Variants in MNAT1 observed in about 807,000 individuals in gnomAD.
MNAT1 encodes MNAT1 component of CDK activating kinase, also known as CDK-activating kinase assembly factor MAT1.
In MNAT1, 43 loss-of-function variants were observed where a neutral mutation model predicts 42.0. That is an observed-to-expected ratio of 1.02 (90% CI 0.80 to 1.32). The LOEUF is 1.32. Ranked by LOEUF, MNAT1 falls within the 40% of genes most tolerant of loss-of-function variation. The pLI, the probability that MNAT1 is intolerant of heterozygous loss-of-function variation, is 0.00. For missense variants in MNAT1, 306 were observed against 350.4 expected, an observed-to-expected ratio of 0.87 and a Z score of 1.01; for synonymous variants, 118 against 120.0, an observed-to-expected ratio of 0.98 and a Z score of 0.11.
At chr14:60,759,606 G>T (rs2030510715) in intron 1 of MNAT1, among the ~76,000 whole-genome samples, 1 of 152,074 alleles carries the variant, frequency 6.6e-6, no homozygotes, top group Admixed American at 6.5e-5. Flanking sequence ...GATGAATGTT[G>T]GAAATTGTTG....
chr14:60,875,981 C>G (rs4151290), intron 6 of MNAT1, among the ~76,000 whole-genome samples: 146 of 152,056 alleles, frequency 9.6e-4, no homozygotes, highest in African/African-American at 3.3e-3. Flanking sequence ...AGTATTTTTC[C>G]TTTCCCTCAC....
At chr14:60,845,395 TTTC>T (rs1215111761) in intron 6 of MNAT1, among the ~76,000 whole-genome samples, 1 of 152,056 alleles carries the variant, frequency 6.6e-6, no homozygotes, top group African/African-American at 2.4e-5. Flanking sequence ...TTTATAATAT[TTTC>T]TTAATTCTTT....
chr14:60,746,988 C>CTTT (rs1198228295), intron 1 of MNAT1, among the ~76,000 whole-genome samples: 2 of 92,020 alleles, frequency 2.2e-5, no homozygotes, highest in Non-Finnish European at 4.2e-5. Context: ...AAAATTATGT[C>CTTT]TTTTTTTTTT....
intron 1 of MNAT1, among the ~76,000 whole-genome samples, chr14:60,741,680 T>TTTTA (rs1555371492): frequency 9.2e-5 from 13 of 141,546 alleles, no homozygotes; most frequent in Admixed American, 1.4e-4. Flanking sequence ...TTTTTTTTTT[T>TTTTA]AATTTTTAGT....
chr14:60,965,059 C>G (rs2036657745), intron 7 of MNAT1, among the ~76,000 whole-genome samples: 1 of 152,066 alleles, frequency 6.6e-6, no homozygotes, highest in Non-Finnish European at 1.5e-5. Context: ...TTTTGTGCAG[C>G]CCTAGAGATC....
chr14:60,903,036 G>A (rs868023320), intron 7 of MNAT1, among the ~76,000 whole-genome samples: 2 of 151,392 alleles, frequency 1.3e-5, no homozygotes, highest in Admixed American at 6.6e-5. Flanking sequence ...AGAACTTTTA[G>A]ACCAAGTATA....
Position 60,798,294 on chromosome 14 carries a change from C to T in MNAT1, c.316+134C>T, listed in dbSNP as rs750990372. 1.1e-4 allele frequency: 56 copies of T among 503,914 alleles called. 1 individual carries two copies. Among genetic ancestry groups the T allele is most frequent in the Non-Finnish European group, 1.6e-4 (43 of 272,066 alleles). 31.2% of individuals were successfully genotyped at this position (503,914 alleles called of 1,614,324 possible). On this transcript the variant is annotated intron_variant, in intron 3 of 7. Transcript: ENST00000261245. ...TAGCTAACATTTACCTAATTACTTTCTTTTGCACTTGAGTCATGTTTGTCA... is the reference window on the plus strand; with the variant it reads ...TAGCTAACATTTACCTAATTACTTTTTTTTGCACTTGAGTCATGTTTGTCA...
intron 7 of MNAT1, among the ~76,000 whole-genome samples, chr14:60,938,922 T>C (rs2036071837): frequency 6.6e-6 from 1 of 152,198 alleles, no homozygotes; most frequent in Non-Finnish European, 1.5e-5. Context: ...CTGTTATTGG[T>C]CTATTCAGAG....
At chr14:60,922,178 A>G (rs2139554526) in intron 7 of MNAT1, among the ~76,000 whole-genome samples, 1 of 152,308 alleles carries the variant, frequency 6.6e-6, no homozygotes, top group Middle Eastern at 3.4e-3. Context: ...GTAACTTGTC[A>G]GAAGCAGGTT....
intron 6 of MNAT1, among the ~76,000 whole-genome samples, chr14:60,859,350 T>A (rs564723368): frequency 3.3e-5 from 5 of 152,332 alleles, no homozygotes; most frequent in African/African-American, 1.2e-4. Context: ...TGTCTACTTC[T>A]GAGATTCCAT....
At chr14:60,799,103 C>T (rs1237795232) in intron 3 of MNAT1, among the ~76,000 whole-genome samples, 1 of 152,120 alleles carries the variant, frequency 6.6e-6, no homozygotes, top group African/African-American at 2.4e-5. Flanking sequence ...TCAACTGTTA[C>T]CTGAAACTTT....
chr14:60,925,615 C>G (rs2035750424), intron 7 of MNAT1, among the ~76,000 whole-genome samples: 1 of 152,152 alleles, frequency 6.6e-6, no homozygotes, highest in Admixed American at 6.5e-5. Context: ...CTTACACTTC[C>G]TTCCATCAGG....
At position 60,796,288 on chromosome 14, in the gene MNAT1, G is replaced by A. The variant is rs1335792909; in HGVS notation, c.161G>A (p.Arg54Lys). ...TGCCCTGAGTGTGGTACTCCACTCA[G>A]AAAGAGCAACTTCAGGGTACAACTC... The part of the protein sequence containing the change: ...GNCPECGTPL[R>K]KSNFRVQLFE... The change falls in exon 2 of 8, where the codon AGA (arginine) becomes AAA (lysine). Residue 54 changes from arginine (R) to lysine (K), a missense_variant. Physicochemically the swap from Arg to Lys is conservative, Grantham distance 26. This residue lies in a region of MNAT1 where 72 missense variants were observed against 111.0 expected (regional missense o/e 0.65). Transcript: ENST00000261245. 3.7e-6 allele frequency: 6 copies of A among 1,613,800 alleles called. No individual in the cohort carries two copies. The highest frequency in any genetic ancestry group is 5.1e-6 in the Non-Finnish European group (6 of 1,179,802).
intron 6 of MNAT1, among the ~76,000 whole-genome samples, chr14:60,841,071 C>T (rs2033536502): frequency 1.3e-5 from 2 of 152,102 alleles, no homozygotes; most frequent in Admixed American, 6.6e-5. Flanking sequence ...TTGTAAATGT[C>T]AGTTAGGTCA....
At position 60,950,921 on chromosome 14, in the gene MNAT1, C is replaced by T. The variant is rs536928864; in HGVS notation, c.810-17308C>T. Among the ~76,000 whole-genome samples the T allele has an allele frequency of 4.6e-5, 7 of 152,052 alleles. No individual in the cohort carries two copies. In the South Asian group the frequency reaches 1.5e-3, roughly 32 times the overall value. Reference sequence around the variant, plus strand: ...TTAGGATGATTTTTTAAAATGATGGCAAATAAATATTTATGTTGCTATCAA... The same window carrying T: ...TTAGGATGATTTTTTAAAATGATGGTAAATAAATATTTATGTTGCTATCAA... On this transcript the variant is annotated intron_variant, in intron 7 of 7. Coordinates refer to ENST00000261245, the MANE Select transcript of MNAT1 (RefSeq NM_002431.4).
intron 1 of MNAT1, among the ~76,000 whole-genome samples, chr14:60,791,007 G>A (rs1215151769): frequency 1.3e-5 from 2 of 152,150 alleles, no homozygotes; most frequent in Non-Finnish European, 2.9e-5. Flanking sequence ...GGTCCTTGCT[G>A]TCTGTCAGGA....
chr14:60,968,589 GAA>G lies in MNAT1; in HGVS notation c.*241_*242del. ...TTGACACGATAAGCCTCATCTGATG[GAA>G]GAGAGGAATAAATAATTCACCTATA... On this transcript the variant is annotated 3_prime_UTR_variant, in exon 8 of 8. Coordinates refer to ENST00000261245, the MANE Select transcript of MNAT1 (RefSeq NM_002431.4). 8.6e-7 allele frequency: 1 copy of G among 1,156,524 alleles called. No individual in the cohort carries two copies. Among genetic ancestry groups the G allele is most frequent in the Non-Finnish European group, 1.2e-6 (1 of 851,650 alleles). The allele number at this position is 1,156,524 out of a possible 1,614,324, so 71.6% of individuals were successfully genotyped here.
At chr14:60,745,562 G>A (rs1283855108) in intron 1 of MNAT1, among the ~76,000 whole-genome samples, 1 of 152,094 alleles carries the variant, frequency 6.6e-6, no homozygotes, top group Non-Finnish European at 1.5e-5. Context: ...GATTACAGGT[G>A]TGTACCACCA....
At chr14:60,829,731 G>A (rs1288898226) in intron 6 of MNAT1, among the ~76,000 whole-genome samples, 3 of 152,198 alleles carry the variant, frequency 2.0e-5, no homozygotes, top group African/African-American at 7.2e-5. Flanking sequence ...AACATTAAAG[G>A]TGCTTGCAAA....
Sources: gnomAD v4.1 joint callset for allele counts (sites outside exome capture counted in the v4.1 genomes callset) on GRCh38, gnomAD v4.1.1 for gene constraint, gnomAD v4.1.1 regional missense constraint, MANE v1.5 for transcripts, NCBI Gene and HGNC (gene_info 2026-07-23, HGNC 2026-07-21) for gene names.